The following KDM1A variants were observed in gnomAD, a reference collection of about 807,000 sequenced individuals.
KDM1A encodes lysine demethylase 1A.
KDM1A carries 49 observed loss-of-function variants against 109.4 expected under a neutral mutation model. That is an observed-to-expected ratio of 0.45 (90% CI 0.36 to 0.57). The LOEUF (loss-of-function observed/expected upper bound fraction) is 0.57. KDM1A is among the 20% of genes least tolerant of loss of function. KDM1A has a pLI of 0.00. For synonymous variants in KDM1A, 380 were observed against 415.4 expected, an observed-to-expected ratio of 0.91 and a Z score of 1.04; for missense variants, 668 against 1,116.6, an observed-to-expected ratio of 0.60 and a Z score of 5.73.
At chr1:23,083,147 C>T (rs1453938958) in intron 20 of KDM1A, 32 bp from the exon 21 acceptor site, 2 of 1,589,632 alleles carry the variant, frequency 1.3e-6, no homozygotes, top group South Asian at 1.1e-5. Context: ...ATATGTGCAG[C>T]CTGCCAATTT....
chr1:23,036,608 G>T (rs186816539), intron 2 of KDM1A, among the ~76,000 whole-genome samples: 6 of 151,922 alleles, frequency 3.9e-5, no homozygotes, highest in Admixed American at 6.6e-5. Flanking sequence ...ATATTTTGAG[G>T]CATTATGAAT....
chr1:23,080,109 T>C (rs780458105), intron 18 of KDM1A, among the ~76,000 whole-genome samples: 1 of 152,222 alleles, frequency 6.6e-6, no homozygotes, highest in Non-Finnish European at 1.5e-5. Flanking sequence ...GTATGTAGAC[T>C]TGTAATATTT....
intron 12 of KDM1A, among the ~76,000 whole-genome samples, chr1:23,070,903 T>G (rs2124515757): frequency 6.6e-6 from 1 of 152,322 alleles, no homozygotes; most frequent in Non-Finnish European, 1.5e-5. Flanking sequence ...GAGATTAAAT[T>G]TATTTCAATA....
At chr1:23,053,381 A>ATTTATT (rs1340974479) in intron 4 of KDM1A, among the ~76,000 whole-genome samples, 1 of 152,072 alleles carries the variant, frequency 6.6e-6, no homozygotes, top group Non-Finnish European at 1.5e-5. Context: ...GGATGATTTT[A>ATTTATT]TTTATTTTTA....
chr1:23,019,500 C>G lies in KDM1A; in HGVS notation c.-97C>G, dbSNP rs949814928. 10 of 1,298,936 alleles carry G rather than the reference C, an allele frequency of 7.7e-6. No homozygotes were observed. Among genetic ancestry groups the G allele is most frequent in the South Asian group, 5.4e-5 (2 of 37,264 alleles). 80.5% of individuals were successfully genotyped at this position (1,298,936 alleles called of 1,614,324 possible). ...GCGTACGCGACGGCGGTTGGCGGCG[C>G]GCGGGCAGCGTGAAGCGAGGCGAGG... On this transcript the variant is annotated 5_prime_UTR_variant, in exon 1 of 21. Coordinates refer to ENST00000400181, the MANE Select transcript of KDM1A (RefSeq NM_001009999.3).
rs149897862 is a variant in KDM1A at position 23,073,280 on chromosome 1, G to T, written c.1623-12G>T. The T allele has an allele frequency of 1.0e-3, 1,374 of 1,370,110 alleles. 9 individuals carry two copies. The African/African-American group carries it at 0.016, about 16-fold the overall frequency. The allele number at this position is 1,370,110 out of a possible 1,614,324, so 84.9% of individuals were successfully genotyped here. A position where few individuals can be genotyped will look rare whatever the true frequency, so the allele number is the denominator to read the frequency against. On this transcript the variant is annotated splice_polypyrimidine_tract_variant and intron_variant, in intron 14 of 20. Coordinates refer to ENST00000400181, the MANE Select transcript of KDM1A (RefSeq NM_001009999.3). ...TCTTTTAATAATCCTGTAGTCCTTT[G>T]TTCTTTTGCAGTGATGTATATCTCT...
chr1:23,079,443 G>A lies in KDM1A; in HGVS notation c.2056-110G>A, dbSNP rs1643557568. ...CGTAAATGTCATCCTAAATAATAAG[G>A]ATTGCTGGGCTTATTTTGAAAGCAG... is the stretch of plus-strand genomic sequence containing the variant. On this transcript the variant is annotated intron_variant, in intron 17 of 20. Coordinates refer to ENST00000400181, the MANE Select transcript of KDM1A (RefSeq NM_001009999.3). This position sits in a 1 kb window ranked among gnomAD's most constrained non-coding sequence, Gnocchi z 5.6. 4.8e-6 allele frequency: 4 copies of A among 834,280 alleles called. No homozygotes were observed. In the East Asian group the frequency reaches 1.0e-4, roughly 21 times the overall value. 51.7% of individuals were successfully genotyped at this position (834,280 alleles called of 1,614,324 possible).
intron 2 of KDM1A, among the ~76,000 whole-genome samples, chr1:23,041,435 C>CTTTTTTTTTTTT (rs66720696): frequency 3.8e-5 from 2 of 53,006 alleles, no homozygotes; most frequent in African/African-American, 1.6e-4. Flanking sequence ...TCTTTTCTTG[C>CTTTTTTTTTTTT]TTTTTTTTTT....
chr1:23,031,947 T>C (rs1641994588), intron 2 of KDM1A, among the ~76,000 whole-genome samples: 1 of 152,210 alleles, frequency 6.6e-6, no homozygotes, highest in Non-Finnish European at 1.5e-5. Context: ...TGTAGCTGCC[T>C]TTTTACTTTA....
chr1:23,029,893 G>GC (rs1325756121), intron 1 of KDM1A, among the ~76,000 whole-genome samples: 2 of 152,214 alleles, frequency 1.3e-5, no homozygotes, highest in African/African-American at 4.8e-5. Flanking sequence ...TCCTGCCTCA[G>GC]CCCCCCAGAG....
At chr1:23,042,258 G>A (rs561299315) in intron 2 of KDM1A, among the ~76,000 whole-genome samples, 2 of 151,796 alleles carry the variant, frequency 1.3e-5, no homozygotes, top group South Asian at 2.1e-4. Context: ...TAATTTGAAC[G>A]ATAACAGCTG....
chr1:23,082,063 G>C (rs1643635583), intron 19 of KDM1A, 157 bp from the exon 20 acceptor site: 1 of 716,522 alleles, frequency 1.4e-6, no homozygotes. Context: ...GTCCATGTGT[G>C]TTTTAAAGCA....
intron 2 of KDM1A, among the ~76,000 whole-genome samples, chr1:23,042,317 G>A (rs1231221976): frequency 2.6e-5 from 4 of 151,378 alleles, no homozygotes; most frequent in Admixed American, 6.6e-5. Flanking sequence ...TTGTTTCATT[G>A]TTCTGAGTCC....
In KDM1A at chr1:23,063,923, T is replaced by G. The variant is rs1239338279; in HGVS notation, c.1168-2137T>G. On this transcript the variant is annotated intron_variant, in intron 9 of 20. Coordinates refer to ENST00000400181, the MANE Select transcript of KDM1A (RefSeq NM_001009999.3). ...TTGTTTTTGGAGACAGATCTTGCAG[T>G]GTTGCCCAGGCTGAAGTGCAGTGGC... Among the ~76,000 whole-genome samples the G allele has an allele frequency of 2.6e-5, 4 of 152,344 alleles. No individual in the cohort carries two copies. In the East Asian group the frequency reaches 5.8e-4, roughly 22 times the overall value.
Position 23,081,575 on chromosome 1 carries a change from T to A in KDM1A, c.2298+2T>A. On this transcript the variant is annotated splice_donor_variant, in intron 19 of 20. Coordinates refer to ENST00000400181, the MANE Select transcript of KDM1A (RefSeq NM_001009999.3). LOFTEE classifies it high-confidence loss of function. ...TTTGGTAGCAGTGCAGTACCTCAGG[T>A]AAGTAGGTAGGTGGGGCAAGGAGGG... 1 of 1,614,008 alleles carries A rather than the reference T, an allele frequency of 6.2e-7. No homozygotes were observed. Among genetic ancestry groups the A allele is most frequent in the Non-Finnish European group, 8.5e-7 (1 of 1,179,950 alleles).
At chr1:23,036,877 A>G (rs1642161269) in intron 2 of KDM1A, among the ~76,000 whole-genome samples, 1 of 152,182 alleles carries the variant, frequency 6.6e-6, no homozygotes, top group African/African-American at 2.4e-5. Flanking sequence ...GTAGTTCCTC[A>G]TTGACTTTAT....
chr1:23,069,058 T>C lies in KDM1A; in HGVS notation c.1323-3T>C. 6.3e-7 allele frequency: 1 copy of C among 1,599,618 alleles called. No homozygotes were observed. Among genetic ancestry groups the C allele is most frequent in the South Asian group, 1.1e-5 (1 of 88,748 alleles). ...AGCAGATTATACATATTGTCTCTCT[T>C]AGGTTACAAGAGAAGCATGTCAAAG... is the stretch of plus-strand genomic sequence containing the variant. On this transcript the variant is annotated splice_region_variant and splice_polypyrimidine_tract_variant and intron_variant, in intron 11 of 20. Coordinates refer to ENST00000400181, the MANE Select transcript of KDM1A (RefSeq NM_001009999.3).
At chr1:23,022,708 G>A (rs1255226786) in intron 1 of KDM1A, among the ~76,000 whole-genome samples, 2 of 137,794 alleles carry the variant, frequency 1.5e-5, no homozygotes, top group Non-Finnish European at 3.1e-5. Context: ...ACCCAGGCTG[G>A]AGTGCAGTGA....
chr1:23,078,367 T>C (rs1438962363), intron 16 of KDM1A, among the ~76,000 whole-genome samples: 2 of 150,230 alleles, frequency 1.3e-5, no homozygotes, highest in Non-Finnish European at 3.0e-5. Context: ...TTTTGAGATA[T>C]ATAATTTCAA....
Sources: allele counts gnomAD v4.1 joint callset (sites outside exome capture counted in the v4.1 genomes callset), GRCh38; gene constraint gnomAD v4.1.1; non-coding constraint Gnocchi (gnomAD v3.1); transcripts MANE v1.5; gene names NCBI Gene and HGNC (gene_info 2026-07-23, HGNC 2026-07-21).